The following TIAM1 variants were observed in gnomAD, a reference collection of about 807,000 sequenced individuals.
TIAM1 encodes rho guanine nucleotide exchange factor TIAM1.
In TIAM1, 65 loss-of-function variants were observed where a neutral mutation model predicts 163.5. The ratio of observed to expected loss-of-function variants is 0.40; its 90% CI spans 0.33 to 0.49. TIAM1 has a LOEUF of 0.49. Ranked by LOEUF, TIAM1 falls within the 20% of genes least tolerant of loss-of-function variation. The probability of loss-of-function intolerance (pLI) is 0.77; values close to 1 mark genes in which losing one functional copy is unlikely to be tolerated. For missense variants in TIAM1, 1,789 were observed against 2,044.7 expected (o/e 0.87, Z 2.41); for synonymous variants, 833 against 810.1 (o/e 1.03, Z -0.48).
chr21:31,249,425 C>A (rs2146736046), intron 5 of TIAM1, among the ~76,000 whole-genome samples: 1 of 152,310 alleles, frequency 6.6e-6, no homozygotes, highest in Non-Finnish European at 1.5e-5. Flanking sequence ...TTTGCTATGG[C>A]AGCCCCAGCA....
At chr21:31,529,811 T>C (rs1689156646) in intron 1 of TIAM1, among the ~76,000 whole-genome samples, 1 of 152,126 alleles carries the variant, frequency 6.6e-6, no homozygotes, top group Admixed American at 6.6e-5. Context: ...TCATGCCCCC[T>C]TCCTCTCGAG....
intron 2 of TIAM1, among the ~76,000 whole-genome samples, chr21:31,302,550 G>A (rs183743438): frequency 7.4e-4 from 113 of 152,246 alleles, no homozygotes; most frequent in African/African-American, 2.3e-3. Flanking sequence ...AGAATGAGCT[G>A]GGCAAGAAGA....
intron 15 of TIAM1, 22 bp downstream of exon 15, chr21:31,182,399 C>A: frequency 6.6e-7 from 1 of 1,514,518 alleles, no homozygotes; most frequent in East Asian, 2.3e-5. Context: ...AGACTCGCCC[C>A]CAGCACCCTG....
chr21:31,400,151 G>T (rs1056841993), intron 2 of TIAM1, among the ~76,000 whole-genome samples: 2 of 150,706 alleles, frequency 1.3e-5, no homozygotes, highest in African/African-American at 4.9e-5. Flanking sequence ...TTTTTGAGAC[G>T]GAGTCTAGCT....
In TIAM1 at chr21:31,535,451, A is replaced by G. The variant is rs533520071; in HGVS notation, c.-422+23476T>C. Among the ~76,000 whole-genome samples, 3 of 149,530 alleles carry G rather than the reference A, an allele frequency of 2.0e-5. No homozygotes were observed. In the South Asian group the frequency reaches 6.3e-4, roughly 32 times the overall value. Reference sequence around the variant, plus strand: ...TCTTGTTCCAATTTTTTCTCTTATCACTTTAAAACTAAAGCACATGCAAAT... The same window carrying G: ...TCTTGTTCCAATTTTTTCTCTTATCGCTTTAAAACTAAAGCACATGCAAAT... On this transcript the variant is annotated intron_variant, in intron 1 of 28. Coordinates refer to the TIAM1 transcript ENST00000286827.
At chr21:31,380,813 G>A (rs917311542) in intron 2 of TIAM1, among the ~76,000 whole-genome samples, 24 of 152,252 alleles carry the variant, frequency 1.6e-4, no homozygotes, top group Non-Finnish European at 2.8e-4. Flanking sequence ...AGTTTATATA[G>A]TTAATTCCAT....
At chr21:31,173,222 A>G (rs956195975) in intron 15 of TIAM1, among the ~76,000 whole-genome samples, 1 of 152,158 alleles carries the variant, frequency 6.6e-6, no homozygotes, top group Non-Finnish European at 1.5e-5. Context: ...CAGACCCTCC[A>G]ATTCAAACAT....
At chr21:31,556,840 G>C (rs1021760627) in intron 1 of TIAM1, among the ~76,000 whole-genome samples, 2 of 152,110 alleles carry the variant, frequency 1.3e-5, no homozygotes, top group South Asian at 4.1e-4. Context: ...CCACGCAAAG[G>C]CATCCACCCT....
chr21:31,335,018 G>A (rs771645022), intron 2 of TIAM1, among the ~76,000 whole-genome samples: 7 of 152,240 alleles, frequency 4.6e-5, no homozygotes, highest in South Asian at 2.1e-4. Context: ...CAATGTTTAC[G>A]CGACATGGGC....
chr21:31,478,451 T>G (rs1160527468), intron 1 of TIAM1, among the ~76,000 whole-genome samples: 1 of 152,206 alleles, frequency 6.6e-6, no homozygotes. Context: ...AACTGCCAAT[T>G]TGTTTGCCTA....
chr21:31,206,959 C>T (rs910549823), intron 11 of TIAM1, among the ~76,000 whole-genome samples: 1 of 137,686 alleles, frequency 7.3e-6, no homozygotes, highest in Non-Finnish European at 1.5e-5. Context: ...ACACAAAGTG[C>T]TATTGTAGAA....
rs1568918810 is a variant in TIAM1, at chr21:31,147,753, A to AT, written c.3367-751dup. 5.7e-5 allele frequency among the ~76,000 whole-genome samples: 8 copies of AT among 141,524 alleles called. No individual in the cohort carries two copies. The East Asian group carries it at 1.2e-3, about 21-fold the overall frequency. 92.8% of individuals were successfully genotyped at this position (141,524 alleles called of 152,430 possible). ...TATAATATATAAAAATATATAATAT[A>AT]TAATTAATATATTATATTAATATAT... On this transcript the variant is annotated intron_variant, in intron 19 of 27. Coordinates refer to ENST00000541036, the MANE Select transcript of TIAM1 (RefSeq NM_001353694.2).
rs1251040684 is a variant in TIAM1 at position 31,225,869 on chromosome 21, T to C, written c.1666A>G (p.Lys556Glu). ...TTCAGGAGTCGGAGCGTGTCTTCCTTGTGGTGGTGCCTCGCGACCGCAGTG... is the reference window on the plus strand; with the variant it reads ...TTCAGGAGTCGGAGCGTGTCTTCCTCGTGGTGGTGCCTCGCGACCGCAGTG... ...CATAVARHHH[K>E]EDTLRLLKSE... The change falls in exon 7 of 28, where the codon AAG becomes GAG. Residue 556 changes from lysine to glutamate, a missense_variant. This residue lies in a region of TIAM1 where 456 missense variants were observed against 586.6 expected (regional missense o/e 0.78). Transcript: ENST00000541036. 1.1e-5 allele frequency: 17 copies of C among 1,614,096 alleles called. No individual in the cohort carries two copies. Among genetic ancestry groups the C allele is most frequent in the Non-Finnish European group, 1.4e-5 (17 of 1,179,998 alleles).
chr21:31,340,605 C>A (rs1234475375), intron 1 of TIAM1, among the ~76,000 whole-genome samples: 2 of 152,130 alleles, frequency 1.3e-5, no homozygotes, highest in South Asian at 2.1e-4. Flanking sequence ...GCTCAAGCAA[C>A]CCTCCCGTCT....
chr21:31,466,040 C>T (rs2045521379), intron 1 of TIAM1, among the ~76,000 whole-genome samples: 2 of 152,178 alleles, frequency 1.3e-5, no homozygotes, highest in South Asian at 2.1e-4. Context: ...CGAGGTTGAA[C>T]TAGAGGTCCT....
chr21:31,164,013 A>C (rs1367981804), intron 16 of TIAM1, among the ~76,000 whole-genome samples: 2 of 152,178 alleles, frequency 1.3e-5, no homozygotes, highest in African/African-American at 4.8e-5. Context: ...AGAGGTTTTA[A>C]GTTGGGTTGT....
intron 15 of TIAM1, among the ~76,000 whole-genome samples, chr21:31,179,589 T>A (rs1601433743): frequency 2.7e-5 from 4 of 148,594 alleles, no homozygotes; most frequent in African/African-American, 9.9e-5. Flanking sequence ...AAAATTGCAG[T>A]TTTAATGTGT....
chr21:31,213,081 G>T, intron 10 of TIAM1: 1 of 271,726 alleles, frequency 3.7e-6, no homozygotes. Flanking sequence ...GTTGTACATG[G>T]AAAGAAATTG....
intron 2 of TIAM1, among the ~76,000 whole-genome samples, chr21:31,331,830 C>T (rs1419684874): frequency 1.3e-5 from 2 of 152,106 alleles, no homozygotes; most frequent in East Asian, 3.9e-4. Flanking sequence ...TGATTTCAAA[C>T]GATGGAAATA....
Sources: allele counts gnomAD v4.1 joint callset (sites outside exome capture counted in the v4.1 genomes callset), GRCh38; gene constraint gnomAD v4.1.1; regional missense constraint gnomAD v4.1.1; transcripts MANE v1.5; gene names NCBI Gene and HGNC (gene_info 2026-07-23, HGNC 2026-07-21).